CLCA1: variants seen among roughly 807,000 people sequenced by gnomAD.
CLCA1 encodes chloride channel accessory 1.
Under a neutral mutation model 85.6 loss-of-function variants are expected in CLCA1, and 59 were observed. The observed-to-expected ratio is 0.69, with a 90% CI of 0.56 to 0.86. CLCA1 has a LOEUF of 0.86. Among genes scored for constraint, CLCA1 ranks in the 40% least tolerant of loss-of-function variants. The pLI, the probability that CLCA1 is intolerant of heterozygous loss-of-function variation, is 0.00. For missense variants in CLCA1, 1,022 were observed against 1,101.4 expected, an observed-to-expected ratio of 0.93 and a Z score of 1.02; for synonymous variants, 396 against 398.3, an observed-to-expected ratio of 0.99 and a Z score of 0.07.
chr1:86,484,379 G>C (rs1647904589), intron 5 of CLCA1, among the ~76,000 whole-genome samples: 1 of 152,202 alleles, frequency 6.6e-6, no homozygotes, highest in Non-Finnish European at 1.5e-5. Flanking sequence ...AGGAGCAATA[G>C]AGATGCCAAA....
intron 1 of CLCA1, among the ~76,000 whole-genome samples, chr1:86,469,757 A>G (rs773550869): frequency 6.6e-6 from 1 of 152,202 alleles, no homozygotes; most frequent in Non-Finnish European, 1.5e-5. Context: ...GTACAACAAC[A>G]AACAGCTAAA....
intron 3 of CLCA1, among the ~76,000 whole-genome samples, chr1:86,474,724 G>GA (rs1196242100): frequency 6.6e-6 from 1 of 151,918 alleles, no homozygotes; most frequent in Admixed American, 6.6e-5. Context: ...TGTAACTAAA[G>GA]AAAAAACTCC....
At position 86,494,312 on chromosome 1, in the gene CLCA1, C is replaced by T. The variant is rs779939094; in HGVS notation, c.1806C>T (p.Ser602=). 6.2e-7 allele frequency: 1 copy of T among 1,614,170 alleles called. No homozygotes were observed. The highest frequency in any genetic ancestry group is 8.5e-7 in the Non-Finnish European group (1 of 1,180,020). ...CTTCCAAAACGAACAAGGACACCAG[C>T]AAATTCCCCAGCCCTCTGGTAGTTT... ...TVTSKTNKDT[S]KFPSPLVVYA... The change falls in exon 11 of 14, where the codon AGC becomes AGT. Residue 602 remains serine, a synonymous_variant. Coordinates refer to ENST00000394711, the MANE Select transcript of CLCA1 (RefSeq NM_001285.4).
In CLCA1 at chr1:86,473,762, G is replaced by A. The variant is rs1647565212; in HGVS notation, c.337G>A (p.Gly113Ser). ...TCTGGTTGCTGAGTCTACTCCTCCA[G>A]GTAATGATGAACCCTACACTGAGCA... ...DVLVAESTPP[G>S]NDEPYTEQMG... The change falls in exon 3 of 14, where the codon GGT becomes AGT. Residue 113 changes from glycine to serine, a missense_variant. By Grantham distance (56) the Gly-to-Ser change is moderately conservative (BLOSUM62 0). Transcript: ENST00000394711. The A allele has an allele frequency of 6.3e-7, 1 of 1,599,854 alleles. No homozygotes were observed. Among genetic ancestry groups the A allele is most frequent in the Non-Finnish European group, 8.5e-7 (1 of 1,172,896 alleles).
At chr1:86,480,037 T>C (rs1485230796) in intron 4 of CLCA1, among the ~76,000 whole-genome samples, 2 of 152,218 alleles carry the variant, frequency 1.3e-5, no homozygotes, top group Admixed American at 6.5e-5. Flanking sequence ...ATTAACAGAC[T>C]CTTTTCCAAT....
rs150783224 is a variant in CLCA1 at position 86,495,630 on chromosome 1, C to A, written c.2068C>A (p.Pro690Thr). ...GVNAARRRVI[P>T]QQSGALYIPG... ...TAACGCAGCCAGACGGAGAGTGATA[C>A]CCCAGCAGAGTGGAGCACTGTACAT... Residue 690 changes from proline to threonine, a missense_variant, in exon 12 of 14, where the codon CCC (proline) becomes ACC (threonine). Physicochemically the swap from Pro to Thr is conservative, Grantham distance 38. Coordinates refer to ENST00000394711, the MANE Select transcript of CLCA1 (RefSeq NM_001285.4). The A allele has an allele frequency of 2.4e-5, 39 of 1,614,012 alleles. No homozygotes were observed. The African/African-American group carries it at 4.5e-4, about 19-fold the overall frequency.
intron 9 of CLCA1, 43 bp downstream of exon 9, chr1:86,491,414 C>A: frequency 7.5e-7 from 1 of 1,336,232 alleles, no homozygotes; most frequent in Non-Finnish European, 1.1e-6. Context: ...TACACATAAT[C>A]ATAGCCAAGA....
At position 86,498,200 on chromosome 1, in the gene CLCA1, A is replaced by AAGGAAGGG. The variant is rs1350635430; in HGVS notation, c.2114-365_2114-364insGAGGAAGG. Among the ~76,000 whole-genome samples the AAGGAAGGG allele has an allele frequency of 6.2e-3, 936 of 150,774 alleles. 14 individuals carry two copies. The highest frequency in any genetic ancestry group is 0.02 in the African/African-American group (823 of 40,518). The stretch of plus-strand genomic sequence containing the variant: ...GAAGGAAGGAAGGATGGAAGGAAGG[A>AAGGAAGGG]AGGAAGGAAAAAACAGATGTAGTAT... On this transcript the variant is annotated intron_variant, in intron 12 of 13. Transcript: ENST00000394711.
chr1:86,473,506 A>G lies in CLCA1; in HGVS notation c.252A>G (p.Thr84=), dbSNP rs753031471. 2 of 1,612,544 alleles carry G rather than the reference A, an allele frequency of 1.2e-6. No individual in the cohort carries two copies. Among genetic ancestry groups the G allele is most frequent in the East Asian group, 2.2e-5 (1 of 44,856 alleles). Residue 84 remains threonine, a synonymous_variant, in exon 2 of 14, where the codon ACA becomes ACG. Transcript: ENST00000394711. ...ATGTTGCCATTTTGATTCCTGAAACATGGAAGACAAAGGCTGACTATGTGA... is the reference window on the plus strand; with the variant it reads ...ATGTTGCCATTTTGATTCCTGAAACGTGGAAGACAAAGGCTGACTATGTGA... ...FKNVAILIPE[T]WKTKADYVRP...
At position 86,473,450 on chromosome 1, in the gene CLCA1, G is replaced by A; in HGVS notation, c.196G>A (p.Glu66Lys). 1 of 1,604,014 alleles carries A rather than the reference G, an allele frequency of 6.2e-7. No homozygotes were observed. Among genetic ancestry groups the A allele is most frequent in the Non-Finnish European group, 8.5e-7 (1 of 1,171,502 alleles). ...GACCCAGGCATCTCTGTATCTGCTT[G>A]AAGCTACAGGAAAGCGATTTTATTT... ...MVTQASLYLLEATGKRFYFKN... is the reference protein window; with the variant it reads ...MVTQASLYLLKATGKRFYFKN... Residue 66 changes from glutamate to lysine, a missense_variant, in exon 2 of 14, where the codon GAA becomes AAA. Physicochemically the swap from Glu to Lys is moderately conservative, Grantham distance 56. Coordinates refer to ENST00000394711, the MANE Select transcript of CLCA1 (RefSeq NM_001285.4).
At position 86,499,941 on chromosome 1, in the gene CLCA1, T is replaced by C. The variant is rs1366025640; in HGVS notation, c.2641T>C (p.Ser881Pro). 2.5e-6 allele frequency: 4 copies of C among 1,613,600 alleles called. No individual in the cohort carries two copies. The highest frequency in any genetic ancestry group is 3.4e-6 in the Non-Finnish European group (4 of 1,179,608). The change falls in exon 14 of 14, where the codon TCT becomes CCT. Residue 881 changes from serine to proline, a missense_variant. Physicochemically the swap from Ser to Pro is moderately conservative, Grantham distance 74. Coordinates refer to ENST00000394711, the MANE Select transcript of CLCA1 (RefSeq NM_001285.4). Reference sequence around the variant, plus strand: ...AGAGACACCTAGTCCTGATGAAACGTCTGCTCCTTGTCCTAATATTCATAT... The same window carrying C: ...AGAGACACCTAGTCCTGATGAAACGCCTGCTCCTTGTCCTAATATTCATAT... ...PPETPSPDET[S>P]APCPNIHINS... is the part of the protein sequence containing the mutation.
chr1:86,493,851 T>A (rs1478173793), intron 10 of CLCA1, among the ~76,000 whole-genome samples: 1 of 152,152 alleles, frequency 6.6e-6, no homozygotes, highest in African/African-American at 2.4e-5. Flanking sequence ...GTAATCAAGA[T>A]GCAAAATGAT....
intron 4 of CLCA1, among the ~76,000 whole-genome samples, chr1:86,478,359 G>A (rs776795860): frequency 7.3e-5 from 11 of 151,162 alleles, no homozygotes; most frequent in South Asian, 4.2e-4. Context: ...CCCGGGAGGC[G>A]GAAGTTGCAG....
At chr1:86,473,393 C>T (rs180702059) in intron 1 of CLCA1, 24 bp from the exon 2 acceptor site, 315 of 1,493,416 alleles carry the variant, frequency 2.1e-4, no homozygotes, top group Non-Finnish European at 2.7e-4. Flanking sequence ...TCAATTGTTA[C>T]GTATGTTTTC....
chr1:86,499,222 A>G (rs1242769708), intron 13 of CLCA1, among the ~76,000 whole-genome samples: 1 of 152,218 alleles, frequency 6.6e-6, no homozygotes, highest in Non-Finnish European at 1.5e-5. Flanking sequence ...TGCAGCATGT[A>G]GATACCATGA....
chr1:86,483,706 G>GT, intron 5 of CLCA1, among the ~76,000 whole-genome samples: 1 of 152,260 alleles, frequency 6.6e-6, no homozygotes, highest in East Asian at 1.9e-4. Context: ...GTGCAGAGAG[G>GT]TTAAGGTTAC....
intron 4 of CLCA1, among the ~76,000 whole-genome samples, chr1:86,479,262 A>G (rs1390626303): frequency 6.6e-6 from 1 of 152,258 alleles, no homozygotes; most frequent in Non-Finnish European, 1.5e-5. Context: ...ACAATACTTC[A>G]AGACAGCAAT....
chr1:86,489,213 C>T (rs1288915335), intron 8 of CLCA1, 43 bp downstream of exon 8: 2 of 1,572,780 alleles, frequency 1.3e-6, no homozygotes, highest in Non-Finnish European at 8.7e-7. Flanking sequence ...GTCTCTCCTA[C>T]TGGACTGTGA....
intron 5 of CLCA1, among the ~76,000 whole-genome samples, chr1:86,484,789 A>G (rs1252861386): frequency 6.6e-6 from 1 of 152,128 alleles, no homozygotes; most frequent in Non-Finnish European, 1.5e-5. Context: ...AATTTTGGTG[A>G]TGGGGTGCAT....
Sources: allele counts gnomAD v4.1 joint callset (sites outside exome capture counted in the v4.1 genomes callset), GRCh38; gene constraint gnomAD v4.1.1; transcripts MANE v1.5; gene names NCBI Gene and HGNC (gene_info 2026-07-23, HGNC 2026-07-21).